Variants in PCDHGA2 observed in about 807,000 individuals in gnomAD.
PCDHGA2 encodes the protein protocadherin gamma subfamily A, 2.
Under a neutral mutation model 59.2 loss-of-function variants are expected in PCDHGA2, and 40 were observed. The observed-to-expected ratio is 0.68, with a 90% confidence interval of 0.52 to 0.88. PCDHGA2 has a LOEUF of 0.88. Among genes scored for constraint, PCDHGA2 ranks in the 40% least tolerant of loss-of-function variants. The probability of loss-of-function intolerance (pLI) is 0.00; values close to 1 mark genes in which losing one functional copy is unlikely to be tolerated. For synonymous variants in PCDHGA2, 560 were observed against 526.0 expected (o/e 1.06, Z -0.89); for missense variants, 1,226 against 1,204.0 (o/e 1.02, Z -0.27).
intron 1 of PCDHGA2, among the ~76,000 whole-genome samples, chr5:141,397,268 T>C (rs532503951): frequency 2.0e-5 from 3 of 152,180 alleles, no homozygotes; most frequent in African/African-American, 7.2e-5. Flanking sequence ...CTTAGCTACA[T>C]CATATGGGCA....
At chr5:141,500,026 T>G (rs1297397353) in intron 2 of PCDHGA2, among the ~76,000 whole-genome samples, 1 of 151,974 alleles carries the variant, frequency 6.6e-6, no homozygotes, top group Non-Finnish European at 1.5e-5. Flanking sequence ...TATATTTGAG[T>G]GAGTGTCTCT....
rs139867523 is a variant in PCDHGA2, at chr5:141,474,274, G to A, written c.2425-20533G>A. 1.2e-4 allele frequency among the ~76,000 whole-genome samples: 19 copies of A among 152,278 alleles called. No homozygotes were observed. In the East Asian group the frequency reaches 3.3e-3, roughly 26 times the overall value. On this transcript the variant is annotated intron_variant, in intron 1 of 3. Coordinates refer to ENST00000394576, the MANE Select transcript of PCDHGA2 (RefSeq NM_018915.4). ...AAGACTGATAAACCAGTGTATCTCT[G>A]AATAACCCACTAGATCAGTGCTTGT...
chr5:141,344,625 C>A, intron 1 of PCDHGA2: 1 of 1,613,934 alleles, frequency 6.2e-7, no homozygotes, highest in East Asian at 2.2e-5. Flanking sequence ...GGTGCTGGAG[C>A]GGGCCCTGGA....
At position 141,385,515 on chromosome 5, in the gene PCDHGA2, C is replaced by A. The variant is rs549682834; in HGVS notation, c.2424+44120C>A. On this transcript the variant is annotated intron_variant, in intron 1 of 3. Coordinates refer to ENST00000394576, the MANE Select transcript of PCDHGA2 (RefSeq NM_018915.4). ...GGATATAGTATTTCTTTAGTGAAAG[C>A]CTATGGACAAGATTATGAATATGTG... The A allele has an allele frequency of 5.6e-5, 76 of 1,362,798 alleles. No homozygotes were observed. The East Asian group carries it at 1.7e-3, about 31-fold the overall frequency. 84.4% of individuals were successfully genotyped at this position (1,362,798 alleles called of 1,614,324 possible).
chr5:141,393,080 G>A (rs747012880), intron 1 of PCDHGA2: 1 of 1,613,694 alleles, frequency 6.2e-7, no homozygotes, highest in Non-Finnish European at 8.5e-7. Flanking sequence ...CCGCGGGCAG[G>A]ATAGATCGGG....
rs370361048 is a variant in PCDHGA2, at chr5:141,361,546, A to G, written c.2424+20151A>G. 2.4e-5 allele frequency: 38 copies of G among 1,613,904 alleles called. No individual in the cohort carries two copies. Among genetic ancestry groups the G allele is most frequent in the South Asian group, 2.3e-4 (21 of 91,088 alleles). On this transcript the variant is annotated intron_variant, in intron 1 of 3. Transcript: ENST00000394576. ...AGAGAACAATCCTCCTGGCGCCTCT[A>G]TCGCTCAAATCAGTGCCTCTGACCC...
At chr5:141,427,371 G>A (rs772247790) in intron 1 of PCDHGA2, 3 of 458,018 alleles carry the variant, frequency 6.5e-6, no homozygotes, top group East Asian at 6.9e-5. Context: ...ACCCTGGACG[G>A]TGATCACTCT....
chr5:141,374,357 CGCGAGGAGCTCTGT>C (rs1770415063), intron 1 of PCDHGA2: 2 of 1,613,900 alleles, frequency 1.2e-6, no homozygotes, highest in Non-Finnish European at 1.7e-6. Context: ...TAGGATAGAC[CGCGAGGAGCTCTGT>C]GCTCAGAGCC....
intron 1 of PCDHGA2, among the ~76,000 whole-genome samples, chr5:141,448,632 T>G (rs1383720361): frequency 1.3e-5 from 2 of 152,106 alleles, no homozygotes; most frequent in Admixed American, 1.3e-4. Context: ...TTCTTCACAT[T>G]ATATCCTTTA....
In PCDHGA2 at chr5:141,494,886, C is replaced by T. The variant is rs1212594477; in HGVS notation, c.2483+21C>T. ...AGCGGGTAGGTGACTGATTCTCCAG[C>T]CCACCCTCTTCTCTGCGGCATTTTC... On this transcript the variant is annotated intron_variant, in intron 2 of 3. Coordinates refer to ENST00000394576, the MANE Select transcript of PCDHGA2 (RefSeq NM_018915.4). 8 of 1,614,010 alleles carry T rather than the reference C, an allele frequency of 5.0e-6. No homozygotes were observed. The Admixed American group carries it at 8.3e-5, about 17-fold the overall frequency.
intron 1 of PCDHGA2, chr5:141,408,246 A>C: frequency 6.3e-7 from 1 of 1,590,754 alleles, no homozygotes; most frequent in Non-Finnish European, 8.6e-7. Flanking sequence ...GGCCCGCGGC[A>C]GGTGCTATTT....
At chr5:141,415,447 T>C in intron 1 of PCDHGA2, 1 of 1,614,200 alleles carries the variant, frequency 6.2e-7, no homozygotes, top group South Asian at 1.1e-5. Context: ...GCAGACCTAT[T>C]CCCACGAGGT....
In PCDHGA2 at chr5:141,394,367, A is replaced by G. The variant is rs201573539; in HGVS notation, c.2424+52972A>G. 248 of 1,614,150 alleles carry G rather than the reference A, an allele frequency of 1.5e-4. 1 individual carries two copies. Among genetic ancestry groups the G allele is most frequent in the Middle Eastern group, 1.2e-3 (7 of 6,062 alleles). The stretch of plus-strand genomic sequence containing the variant: ...ACACCGGTGTCCTGTATGCGCTGCA[A>G]TCTTTCGACTATGAGCAGATCCGAG... On this transcript the variant is annotated intron_variant, in intron 1 of 3. Coordinates refer to ENST00000394576, the MANE Select transcript of PCDHGA2 (RefSeq NM_018915.4).
intron 2 of PCDHGA2, among the ~76,000 whole-genome samples, chr5:141,502,239 A>G (rs2099813426): frequency 6.6e-6 from 1 of 152,148 alleles, no homozygotes; most frequent in Admixed American, 6.5e-5. Flanking sequence ...GTGTTCTTTT[A>G]TCCTTTTTTT....
intron 1 of PCDHGA2, chr5:141,384,848 G>C (rs1373934020): frequency 1.2e-6 from 2 of 1,613,600 alleles, no homozygotes; most frequent in South Asian, 2.2e-5. Flanking sequence ...CAGGACCACG[G>C]TCAGCCTCCT....
At chr5:141,503,178 T>C (rs988629461) in intron 2 of PCDHGA2, among the ~76,000 whole-genome samples, 56 of 151,998 alleles carry the variant, frequency 3.7e-4, no homozygotes, top group African/African-American at 1.3e-3. Flanking sequence ...TACTCTATTG[T>C]GTAATTATTT....
intron 1 of PCDHGA2, among the ~76,000 whole-genome samples, chr5:141,482,529 GC>G (rs1229840218): frequency 3.6e-5 from 2 of 56,040 alleles, no homozygotes; most frequent in Non-Finnish European, 5.8e-5. Context: ...AGACAGACAT[GC>G]AAAAAAAAAA....
intron 1 of PCDHGA2, chr5:141,360,729 CT>C: frequency 6.2e-7 from 1 of 1,614,004 alleles, no homozygotes; most frequent in Non-Finnish European, 8.5e-7. Context: ...TTCTAAAACA[CT>C]CTCTGGACAG....
intron 1 of PCDHGA2, among the ~76,000 whole-genome samples, chr5:141,449,891 A>G (rs2098658520): frequency 6.6e-6 from 1 of 151,872 alleles, no homozygotes; most frequent in Non-Finnish European, 1.5e-5. Flanking sequence ...CAATATAATT[A>G]TTTAGCCTAT....
Sources: allele counts gnomAD v4.1 joint callset (sites outside exome capture counted in the v4.1 genomes callset), GRCh38; gene constraint gnomAD v4.1.1; transcripts MANE v1.5; gene names NCBI Gene and HGNC (gene_info 2026-07-23, HGNC 2026-07-21).